CDH18: variants seen among roughly 807,000 people sequenced by gnomAD.
CDH18 encodes cadherin-18.
CDH18 carries 31 observed loss-of-function variants against 67.9 expected under a neutral mutation model. That is an observed-to-expected ratio of 0.46 (90% CI 0.34 to 0.62). The LOEUF (loss-of-function observed/expected upper bound fraction) is 0.62, where lower values mean the gene tolerates loss of function less well. CDH18 is among the 20% of genes least tolerant of loss of function. CDH18 has a pLI of 0.01. For missense variants in CDH18, 890 were observed against 975.5 expected, an observed-to-expected ratio of 0.91 and a Z score of 1.17; for synonymous variants, 362 against 347.2, an observed-to-expected ratio of 1.04 and a Z score of -0.48.
chr5:19,725,863 A>G (rs1351219291), intron 4 of CDH18, among the ~76,000 whole-genome samples: 1 of 152,228 alleles, frequency 6.6e-6, no homozygotes, highest in Non-Finnish European at 1.5e-5. Flanking sequence ...GGGAAAGGGA[A>G]AACTACAGAA....
chr5:20,265,476 G>A (rs1205245863), intron 1 of CDH18, among the ~76,000 whole-genome samples: 1 of 151,800 alleles, frequency 6.6e-6, no homozygotes. Context: ...CAAAATAAAA[G>A]TTCCAGTTTA....
chr5:20,147,120 C>G (rs2126549526), intron 2 of CDH18, among the ~76,000 whole-genome samples: 1 of 152,206 alleles, frequency 6.6e-6, no homozygotes, highest in Non-Finnish European at 1.5e-5. Flanking sequence ...GAGAATTCCT[C>G]TGACTCATTT....
intron 9 of CDH18, among the ~76,000 whole-genome samples, chr5:19,534,659 A>C (rs1040187023): frequency 6.6e-6 from 1 of 152,182 alleles, no homozygotes; most frequent in African/African-American, 2.4e-5. Context: ...ATAAGTAAAA[A>C]CATTCGAACA....
chr5:20,474,002 A>G (rs1752269688), intron 1 of CDH18, among the ~76,000 whole-genome samples: 1 of 152,188 alleles, frequency 6.6e-6, no homozygotes, highest in Non-Finnish European at 1.5e-5. Flanking sequence ...ACATAATTGT[A>G]AATCTCCCCT....
chr5:20,060,301 C>G (rs570871439), intron 2 of CDH18, among the ~76,000 whole-genome samples: 1 of 151,844 alleles, frequency 6.6e-6, no homozygotes, highest in Non-Finnish European at 1.5e-5. Flanking sequence ...CCCGTCTCTA[C>G]TAAAAATGCA....
In CDH18 at chr5:20,182,778, A is replaced by C. The variant is rs188238742; in HGVS notation, c.-518+72666T>G. Among the ~76,000 whole-genome samples the C allele has an allele frequency of 2.6e-5, 4 of 151,818 alleles. No individual in the cohort carries two copies. The East Asian group carries it at 7.8e-4, about 30-fold the overall frequency. On this transcript the variant is annotated intron_variant, in intron 2 of 14. Coordinates refer to the CDH18 transcript ENST00000507958. ...AGGCCCTCATCAGATACCAAATCCT[A>C]GTGGCTTGACCTTGGACTCTAGATT...
At chr5:19,967,562 T>C (rs960163557) in intron 2 of CDH18, among the ~76,000 whole-genome samples, 1 of 152,134 alleles carries the variant, frequency 6.6e-6, no homozygotes, top group African/African-American at 2.4e-5. Context: ...TTGTGACTGA[T>C]TCTCACATTC....
chr5:19,661,311 A>G (rs1757138532), intron 5 of CDH18, among the ~76,000 whole-genome samples: 1 of 151,978 alleles, frequency 6.6e-6, no homozygotes, highest in Non-Finnish European at 1.5e-5. Context: ...GCACTTTTGT[A>G]AAAAATAAAT....
Position 20,543,560 on chromosome 5 carries a change from A to G in CDH18, c.-580+31902T>C, listed in dbSNP as rs374188565. 9.2e-5 allele frequency among the ~76,000 whole-genome samples: 14 copies of G among 152,242 alleles called. No individual in the cohort carries two copies. In the South Asian group the frequency reaches 2.9e-3, roughly 32 times the overall value. ...ATTTCTGAGATTGGCCAGAATAGAA[A>G]GATTTTATATTGCTTTTAAATAGAA... On this transcript the variant is annotated intron_variant, in intron 1 of 14. Coordinates refer to the CDH18 transcript ENST00000507958.
At chr5:20,368,633 T>C (rs772746411) in intron 1 of CDH18, among the ~76,000 whole-genome samples, 5 of 152,184 alleles carry the variant, frequency 3.3e-5, no homozygotes, top group Non-Finnish European at 5.9e-5. Context: ...TCATTTGGCT[T>C]TGGAGAGGCA....
chr5:20,334,674 AAATTT>A (rs1056154043), intron 1 of CDH18, among the ~76,000 whole-genome samples: 2 of 151,932 alleles, frequency 1.3e-5, no homozygotes, highest in Admixed American at 6.6e-5. Flanking sequence ...ATAATATTTT[AAATTT>A]ATTAAAAGAA....
chr5:20,520,181 A>G (rs560710232), intron 1 of CDH18, among the ~76,000 whole-genome samples: 1 of 151,844 alleles, frequency 6.6e-6, no homozygotes, highest in East Asian at 1.9e-4. Context: ...GGGACTGAAC[A>G]TTGTTATATA....
At chr5:20,160,480 A>G (rs1751891256) in intron 2 of CDH18, among the ~76,000 whole-genome samples, 1 of 152,252 alleles carries the variant, frequency 6.6e-6, no homozygotes, top group Non-Finnish European at 1.5e-5. Flanking sequence ...GTCTTGCTTT[A>G]TAAATTTATC....
At chr5:19,607,570 GA>G (rs1006549521) in intron 6 of CDH18, among the ~76,000 whole-genome samples, 2 of 150,202 alleles carry the variant, frequency 1.3e-5, no homozygotes, top group African/African-American at 2.4e-5. Flanking sequence ...TGAGAGAGGG[GA>G]AAAAAGGAGA....
At chr5:19,931,102 T>C (rs981383972) in intron 2 of CDH18, among the ~76,000 whole-genome samples, 2 of 152,012 alleles carry the variant, frequency 1.3e-5, no homozygotes, top group African/African-American at 4.8e-5. Context: ...ACATGAGGTA[T>C]AGCATTTAAA....
At chr5:19,943,148 T>C (rs1285729946) in intron 2 of CDH18, among the ~76,000 whole-genome samples, 2 of 152,122 alleles carry the variant, frequency 1.3e-5, no homozygotes, top group Non-Finnish European at 2.9e-5. Flanking sequence ...GACAAGACTG[T>C]GAGGTACCCA....
At chr5:19,474,260 C>T (rs1255713728) in intron 12 of CDH18, among the ~76,000 whole-genome samples, 2 of 151,994 alleles carry the variant, frequency 1.3e-5, no homozygotes, top group African/African-American at 4.8e-5. Flanking sequence ...GTCAATTATC[C>T]TTTAAAATTA....
intron 2 of CDH18, among the ~76,000 whole-genome samples, chr5:20,183,337 T>C (rs1361999559): frequency 6.6e-6 from 1 of 152,092 alleles, no homozygotes; most frequent in Non-Finnish European, 1.5e-5. Flanking sequence ...GTGTAATGTG[T>C]ATAACAGATT....
At chr5:19,799,019 A>G (rs144128678) in intron 3 of CDH18, among the ~76,000 whole-genome samples, 136 of 152,206 alleles carry the variant, frequency 8.9e-4, no homozygotes, top group East Asian at 2.7e-3. Flanking sequence ...GTGTTTCCAT[A>G]TTTTAGGTAT....
Sources: gnomAD v4.1 joint callset for allele counts (sites outside exome capture counted in the v4.1 genomes callset) on GRCh38, gnomAD v4.1.1 for gene constraint, MANE v1.5 for transcripts, NCBI Gene and HGNC (gene_info 2026-07-23, HGNC 2026-07-21) for gene names.